ARHGEF10: variants seen among roughly 807,000 people sequenced by gnomAD.
The protein encoded by ARHGEF10 is Rho guanine nucleotide exchange factor 10, also known as Rho guanine nucleotide exchange factor (GEF) 10.
A neutral mutation model predicts 147.4 loss-of-function variants in ARHGEF10; 140 were observed. The ratio of observed to expected loss-of-function variants is 0.95; its 90% CI spans 0.83 to 1.09. The LOEUF (loss-of-function observed/expected upper bound fraction) is 1.09. ARHGEF10 is among the 50% of genes least tolerant of loss of function. ARHGEF10 has a pLI of 0.00. For synonymous variants in ARHGEF10, 902 were observed against 695.8 expected (o/e 1.30, Z -4.67); for missense variants, 2,222 against 1,752.7 (o/e 1.27, Z -4.78).
At chr8:1,935,767 A>G (rs769020398) in intron 26 of ARHGEF10, among the ~76,000 whole-genome samples, 2 of 152,216 alleles carry the variant, frequency 1.3e-5, no homozygotes, top group Non-Finnish European at 2.9e-5. Flanking sequence ...ATGCATGTGC[A>G]TGGGAGGAGC....
At chr8:1,912,357 C>T (rs968924693) in intron 18 of ARHGEF10, among the ~76,000 whole-genome samples, 8 of 152,030 alleles carry the variant, frequency 5.3e-5, no homozygotes, top group Admixed American at 5.2e-4. Context: ...AGGAAGCTCG[C>T]CGTCCCTGCA....
rs764224133 is a variant in ARHGEF10, at chr8:1,933,928, A to G, written c.3208A>G (p.Thr1070Ala). The G allele has an allele frequency of 2.9e-5, 46 of 1,613,862 alleles. No individual in the cohort carries two copies. Among genetic ancestry groups the G allele is most frequent in the Non-Finnish European group, 3.8e-5 (45 of 1,180,018 alleles). Residue 1070 changes from threonine to alanine, a missense_variant, in exon 26 of 29, where the codon ACT becomes GCT. Thr to Ala is a moderately conservative substitution (Grantham distance 58). Transcript: ENST00000349830. Reference protein sequence around the residue: ...GGQVFIISVETHAVEGQLEAH... With the variant: ...GGQVFIISVEAHAVEGQLEAH... Reference sequence around the variant, plus strand: ...TCAAGTCTTCATCATCAGTGTGGAGACTCATGCTGTAGAGGTAAGTCACTT... The same window carrying G: ...TCAAGTCTTCATCATCAGTGTGGAGGCTCATGCTGTAGAGGTAAGTCACTT...
Position 1,894,482 on chromosome 8 carries a change from G to T in ARHGEF10, c.1350G>T (p.Leu450=), listed in dbSNP as rs374059529. 1 of 1,614,242 alleles carries T rather than the reference G, an allele frequency of 6.2e-7. No homozygotes were observed. Among genetic ancestry groups the T allele is most frequent in the Non-Finnish European group, 8.5e-7 (1 of 1,180,044 alleles). ...TGTTCTACCGAGTCAAAGAGATCCT[G>T]CAGTGCCACTCGCTATTTCAGATCG... is the stretch of plus-strand genomic sequence containing the variant. ...KTVFYRVKEI[L]QCHSLFQIAL... Residue 450 remains leucine, a synonymous_variant, in exon 13 of 29, where the codon CTG becomes CTT. Transcript: ENST00000349830.
intron 2 of ARHGEF10, among the ~76,000 whole-genome samples, chr8:1,845,516 A>G: frequency 6.6e-6 from 1 of 152,254 alleles, no homozygotes; most frequent in East Asian, 1.9e-4. Context: ...AAGAAAGGCC[A>G]GGAAGCTGTC....
chr8:1,909,947 A>G (rs10503169), intron 18 of ARHGEF10, among the ~76,000 whole-genome samples: 8,679 of 152,276 alleles, frequency 0.057, 370 homozygotes, highest in South Asian at 0.18. Flanking sequence ...GTGCTTGTCC[A>G]TGAACTTCCC....
chr8:1,956,865 G>A lies in ARHGEF10; in HGVS notation c.3637G>A (p.Glu1213Lys), dbSNP rs201700871. The A allele has an allele frequency of 3.8e-5, 62 of 1,614,084 alleles. No individual in the cohort carries two copies. In the East Asian group the frequency reaches 7.8e-4, roughly 20 times the overall value. ...CAGGGACAGCCTGGCTCCTGGCCCC[G>A]AGCCTCAGGACGAAGACCAGAAGGA... ...KSRDSLAPGP[E>K]PQDEDQKDAL... Residue 1213 changes from glutamate to lysine, a missense_variant, in exon 29 of 29, where the codon GAG becomes AAG. Transcript: ENST00000349830.
At chr8:1,827,012 A>G (rs1444682990) in intron 1 of ARHGEF10, among the ~76,000 whole-genome samples, 2 of 152,198 alleles carry the variant, frequency 1.3e-5, no homozygotes, top group Non-Finnish European at 2.9e-5. Context: ...AGGGGCTGCC[A>G]AGGGTCTGAG....
chr8:1,932,008 A>G (rs907229562), intron 25 of ARHGEF10, among the ~76,000 whole-genome samples: 5 of 152,138 alleles, frequency 3.3e-5, no homozygotes, highest in African/African-American at 4.8e-5. Context: ...GAATGGTGCT[A>G]TTGGTAGGAC....
In ARHGEF10 at chr8:1,866,175, G is replaced by A. The variant is rs144568408; in HGVS notation, c.546-351G>A. ...CCCGCTGGCATCTCTCCCACCCAGC[G>A]TTGTGAGCAGGGCCTAAGAGGTCCT... On this transcript the variant is annotated intron_variant, in intron 5 of 28. Coordinates refer to ENST00000349830, the MANE Select transcript of ARHGEF10 (RefSeq NM_014629.4). 4.1e-3 allele frequency among the ~76,000 whole-genome samples: 620 copies of A among 152,216 alleles called. 2 individuals are homozygous for A. Among genetic ancestry groups the A allele is most frequent in the Non-Finnish European group, 7.1e-3 (486 of 68,020 alleles).
intron 17 of ARHGEF10, among the ~76,000 whole-genome samples, chr8:1,907,469 A>G (rs1335267573): frequency 6.6e-6 from 1 of 152,126 alleles, no homozygotes; most frequent in Non-Finnish European, 1.5e-5. Flanking sequence ...AAGCAAATAT[A>G]ATGGTCCTTG....
At chr8:1,850,442 G>A (rs1027257452) in intron 2 of ARHGEF10, among the ~76,000 whole-genome samples, 1 of 150,694 alleles carries the variant, frequency 6.6e-6, no homozygotes, top group Non-Finnish European at 1.5e-5. Flanking sequence ...GGCAAATGCT[G>A]AGGAGGGTGT....
At chr8:1,832,152 T>C (rs1351686814) in intron 1 of ARHGEF10, among the ~76,000 whole-genome samples, 1 of 152,166 alleles carries the variant, frequency 6.6e-6, no homozygotes, top group African/African-American at 2.4e-5. Context: ...AAGGGGCAGC[T>C]GCAGTCGAAT....
At position 1,923,823 on chromosome 8, in the gene ARHGEF10, G is replaced by A; in HGVS notation, c.2437G>A (p.Ala813Thr). 6.2e-7 allele frequency: 1 copy of A among 1,614,166 alleles called. No individual in the cohort carries two copies. Among genetic ancestry groups the A allele is most frequent in the Non-Finnish European group, 8.5e-7 (1 of 1,180,032 alleles). ...AGCTGTGTTCAATACGTTCACCCCT[G>A]CCATCAAGGAGTCCTGGGTCAACAG... ...FTAVFNTFTP[A>T]IKESWVNSLQ... is the part of the protein sequence containing the mutation. Residue 813 changes from alanine to threonine, a missense_variant, in exon 21 of 29, where the codon GCC becomes ACC. By Grantham distance (58) the Ala-to-Thr change is moderately conservative (BLOSUM62 0). Coordinates refer to ENST00000349830, the MANE Select transcript of ARHGEF10 (RefSeq NM_014629.4).
chr8:1,907,164 G>T (rs1490467995), intron 17 of ARHGEF10, among the ~76,000 whole-genome samples: 1 of 152,182 alleles, frequency 6.6e-6, no homozygotes, highest in Non-Finnish European at 1.5e-5. Context: ...GCAGAGTAAG[G>T]TGTCTCCACC....
At chr8:1,842,640 G>A (rs1182256038) in intron 1 of ARHGEF10, among the ~76,000 whole-genome samples, 3 of 152,232 alleles carry the variant, frequency 2.0e-5, no homozygotes, top group Admixed American at 1.3e-4. Context: ...GGCAGCTGGA[G>A]AGTTCCCTGA....
intron 26 of ARHGEF10, among the ~76,000 whole-genome samples, chr8:1,940,198 C>T (rs770471708): frequency 6.6e-5 from 10 of 152,290 alleles, no homozygotes; most frequent in East Asian, 5.8e-4. Flanking sequence ...TTCTGTCATA[C>T]GCCACGGTTG....
chr8:1,900,003 G>C (rs1212071940), intron 15 of ARHGEF10, among the ~76,000 whole-genome samples: 2 of 152,322 alleles, frequency 1.3e-5, no homozygotes, highest in Non-Finnish European at 2.9e-5. Flanking sequence ...GGTCGTTCTT[G>C]GTCGCCAGGG....
At chr8:1,841,088 C>T (rs10106097) in intron 1 of ARHGEF10, among the ~76,000 whole-genome samples, 33,416 of 152,240 alleles carry the variant, frequency 0.22, 4,113 homozygotes, top group South Asian at 0.29. Context: ...TCTGGGTGCT[C>T]GCATCAGCCA....
intron 1 of ARHGEF10, among the ~76,000 whole-genome samples, chr8:1,826,580 G>A (rs936136606): frequency 2.0e-5 from 3 of 152,148 alleles, no homozygotes; most frequent in South Asian, 2.1e-4. Flanking sequence ...GCTCACTTAC[G>A]AAGTTGCTAG....
Sources: gnomAD v4.1 joint callset for allele counts (sites outside exome capture counted in the v4.1 genomes callset) on GRCh38, gnomAD v4.1.1 for gene constraint, MANE v1.5 for transcripts, NCBI Gene and HGNC (gene_info 2026-07-23, HGNC 2026-07-21) for gene names.